Variants in CEP112 observed in about 807,000 individuals in gnomAD.
The protein encoded by CEP112 is centrosomal protein of 112 kDa.
CEP112 carries 127 observed loss-of-function variants against 153.0 expected under a neutral mutation model. The observed-to-expected ratio is 0.83, with a 90% CI of 0.72 to 0.96. CEP112 has a LOEUF of 0.96. Ranked by LOEUF, CEP112 falls within the 40% of genes least tolerant of loss-of-function variation. CEP112 has a pLI of 0.00. For missense variants in CEP112, 1,089 were observed against 1,101.2 expected, an observed-to-expected ratio of 0.99 and a Z score of 0.16; for synonymous variants, 358 against 374.4, an observed-to-expected ratio of 0.96 and a Z score of 0.51.
intron 18 of CEP112, among the ~76,000 whole-genome samples, chr17:65,954,722 G>GA (rs1370988141): frequency 3.3e-5 from 5 of 151,926 alleles, no homozygotes; most frequent in Admixed American, 3.3e-4. Flanking sequence ...AAATGCACTG[G>GA]AAAATCTCAG....
chr17:65,711,877 G>A (rs554761053), intron 23 of CEP112, among the ~76,000 whole-genome samples: 2 of 152,280 alleles, frequency 1.3e-5, no homozygotes, highest in South Asian at 2.1e-4. Context: ...ACAACCACAC[G>A]ACTGAACACA....
intron 17 of CEP112, among the ~76,000 whole-genome samples, chr17:65,994,255 T>C (rs1249727490): frequency 6.6e-6 from 1 of 152,202 alleles, no homozygotes; most frequent in African/African-American, 2.4e-5. Context: ...CTTGCATAGT[T>C]AGGCTTTCAT....
intron 16 of CEP112, among the ~76,000 whole-genome samples, chr17:66,026,815 T>A (rs2065231797): frequency 6.6e-6 from 1 of 152,212 alleles, no homozygotes; most frequent in African/African-American, 2.4e-5. Flanking sequence ...TTCAACATAG[T>A]ACTTGACACA....
At chr17:66,158,542 G>A (rs958710153) in intron 4 of CEP112, among the ~76,000 whole-genome samples, 1 of 152,116 alleles carries the variant, frequency 6.6e-6, no homozygotes, top group Non-Finnish European at 1.5e-5. Flanking sequence ...AACCCAGGAG[G>A]TGGAGCTTGC....
At chr17:66,083,448 A>T (rs2067799967) in intron 8 of CEP112, among the ~76,000 whole-genome samples, 1 of 152,284 alleles carries the variant, frequency 6.6e-6, no homozygotes, top group East Asian at 1.9e-4. Flanking sequence ...ACACAGATAA[A>T]CTCTATAATC....
At chr17:65,949,351 A>G (rs998277006) in intron 18 of CEP112, among the ~76,000 whole-genome samples, 1 of 152,188 alleles carries the variant, frequency 6.6e-6, no homozygotes, top group Non-Finnish European at 1.5e-5. Flanking sequence ...GAAACCAGTG[A>G]AGAATATTTC....
At position 66,028,385 on chromosome 17, in the gene CEP112, T is replaced by A. The variant is rs763447626; in HGVS notation, c.1524A>T (p.Glu508Asp). Residue 508 changes from glutamate to aspartate, a missense_variant, in exon 15 of 27, where the codon GAA becomes GAT. Transcript: ENST00000535342. ...SASKASSMIE[E>D]LEQNVCQLKQ... ...TTAATTGACAGACATTCTGCTCTAA[T>A]TCTTCAATCATACTAGATGCCTACA... The A allele has an allele frequency of 6.3e-7, 1 of 1,593,010 alleles. No homozygotes were observed. The highest frequency in any genetic ancestry group is 1.1e-5 in the South Asian group (1 of 88,984).
At chr17:65,887,814 G>A (rs1182277907) in intron 20 of CEP112, among the ~76,000 whole-genome samples, 1 of 152,146 alleles carries the variant, frequency 6.6e-6, no homozygotes, top group Non-Finnish European at 1.5e-5. Context: ...CACCCCTCAG[G>A]CTTTCTCTGG....
chr17:65,801,261 G>T (rs2055257123), intron 21 of CEP112, among the ~76,000 whole-genome samples: 1 of 152,096 alleles, frequency 6.6e-6, no homozygotes, highest in South Asian at 2.1e-4. Flanking sequence ...GTTTCACCAT[G>T]TTTCCTAGGC....
chr17:65,980,440 A>G (rs2063187094), intron 17 of CEP112, among the ~76,000 whole-genome samples: 1 of 152,230 alleles, frequency 6.6e-6, no homozygotes, highest in African/African-American at 2.4e-5. Context: ...TTATAATCTG[A>G]CAAAATCTTT....
chr17:65,985,054 T>C (rs924689663), intron 17 of CEP112, among the ~76,000 whole-genome samples: 1 of 152,154 alleles, frequency 6.6e-6, no homozygotes, highest in African/African-American at 2.4e-5. Flanking sequence ...TGAAGGTAGA[T>C]GATGAGAAAT....
chr17:65,895,341 T>C (rs1042098446), intron 20 of CEP112, among the ~76,000 whole-genome samples: 2 of 151,960 alleles, frequency 1.3e-5, no homozygotes, highest in African/African-American at 4.8e-5. Flanking sequence ...ATACTTGTTG[T>C]TGTTGTTGTT....
intron 21 of CEP112, among the ~76,000 whole-genome samples, chr17:65,810,597 A>G (rs1456462851): frequency 1.3e-5 from 2 of 152,072 alleles, no homozygotes; most frequent in African/African-American, 2.4e-5. Context: ...CACTTAACAA[A>G]TCTTTGCTGA....
At chr17:65,651,507 A>C (rs2045774186) in intron 24 of CEP112, among the ~76,000 whole-genome samples, 1 of 152,230 alleles carries the variant, frequency 6.6e-6, no homozygotes, top group South Asian at 2.1e-4. Flanking sequence ...TCTTTAAGAA[A>C]TATCCACACT....
chr17:66,148,242 G>A (rs1018459348), intron 4 of CEP112, among the ~76,000 whole-genome samples: 4 of 152,080 alleles, frequency 2.6e-5, no homozygotes, highest in South Asian at 2.1e-4. Flanking sequence ...ACTACCACAA[G>A]AACAGTATGG....
chr17:66,072,326 CAA>C (rs1334571025), intron 8 of CEP112, among the ~76,000 whole-genome samples: 1 of 152,132 alleles, frequency 6.6e-6, no homozygotes, highest in African/African-American at 2.4e-5. Flanking sequence ...AGTTTATACT[CAA>C]GTTTTACAAA....
At chr17:65,920,378 T>C (rs1255362112) in intron 19 of CEP112, among the ~76,000 whole-genome samples, 4 of 91,108 alleles carry the variant, frequency 4.4e-5, no homozygotes, top group Non-Finnish European at 6.7e-5. Flanking sequence ...TATATATATA[T>C]ATATATATAT....
At chr17:66,056,460 T>C (rs1035926300) in intron 11 of CEP112, among the ~76,000 whole-genome samples, 1 of 152,208 alleles carries the variant, frequency 6.6e-6, no homozygotes, top group African/African-American at 2.4e-5. Flanking sequence ...TTATTCACGA[T>C]ATCCAAAAAG....
chr17:66,136,687 A>C (rs1289340053), intron 4 of CEP112, among the ~76,000 whole-genome samples: 1 of 152,202 alleles, frequency 6.6e-6, no homozygotes, highest in Non-Finnish European at 1.5e-5. Flanking sequence ...ATAACCAAAA[A>C]AGGATTGAGC....
Sources: allele counts gnomAD v4.1 joint callset (sites outside exome capture counted in the v4.1 genomes callset), GRCh38; gene constraint gnomAD v4.1.1; transcripts MANE v1.5; gene names NCBI Gene and HGNC (gene_info 2026-07-23, HGNC 2026-07-21).